BAZ1A: variants seen among roughly 807,000 people sequenced by gnomAD.
BAZ1A encodes the protein bromodomain adjacent to zinc finger domain 1A.
BAZ1A carries 50 observed loss-of-function variants against 185.2 expected under a neutral mutation model. The ratio of observed to expected loss-of-function variants is 0.27; its 90% CI spans 0.22 to 0.34. The LOEUF (loss-of-function observed/expected upper bound fraction) is 0.34. Ranked by LOEUF, BAZ1A falls within the 10% of genes least tolerant of loss-of-function variation. BAZ1A has a pLI of 1.00. For missense variants in BAZ1A, 1,356 were observed against 1,839.9 expected, an observed-to-expected ratio of 0.74 and a Z score of 4.81; for synonymous variants, 571 against 615.6, an observed-to-expected ratio of 0.93 and a Z score of 1.07.
intron 24 of BAZ1A, among the ~76,000 whole-genome samples, chr14:34,760,113 T>G (rs532817950): frequency 1.3e-5 from 2 of 152,226 alleles, no homozygotes; most frequent in Non-Finnish European, 2.9e-5. Context: ...TGTATTCAGA[T>G]GTATAAATTC....
intron 1 of BAZ1A, 61 bp downstream of exon 1, chr14:34,875,077 T>C (rs2043025858): frequency 2.8e-6 from 1 of 357,460 alleles, no homozygotes; most frequent in South Asian, 2.0e-5. Context: ...GCTGCTCCGC[T>C]TTGTTCCCGG....
At chr14:34,766,071 C>T (rs1291439567) in intron 21 of BAZ1A, among the ~76,000 whole-genome samples, 1 of 152,124 alleles carries the variant, frequency 6.6e-6, no homozygotes. Flanking sequence ...GCTTTGGAGA[C>T]AGTCTGCTCT....
chr14:34,857,405 C>T (rs1326097779), intron 3 of BAZ1A, among the ~76,000 whole-genome samples: 2 of 152,146 alleles, frequency 1.3e-5, no homozygotes, highest in Non-Finnish European at 2.9e-5. Flanking sequence ...CTGGGCTCAA[C>T]TGATCCTCCT....
chr14:34,825,991 A>G, intron 4 of BAZ1A, 22 bp downstream of exon 4: 1 of 1,507,394 alleles, frequency 6.6e-7, no homozygotes, highest in Non-Finnish European at 8.9e-7. Flanking sequence ...AAATAATTTA[A>G]AAATTAATAA....
intron 5 of BAZ1A, among the ~76,000 whole-genome samples, chr14:34,810,409 AT>A (rs1335512664): frequency 1.3e-5 from 2 of 152,196 alleles, no homozygotes; most frequent in African/African-American, 2.4e-5. Flanking sequence ...AAAGATACTC[AT>A]TTTTTATGAT....
rs748432973 is a variant in BAZ1A, at chr14:34,783,155, T to A, written c.2075A>T (p.Asp692Val). 2.5e-6 allele frequency: 4 copies of A among 1,608,276 alleles called. No individual in the cohort carries two copies. In the East Asian group the frequency reaches 8.9e-5, roughly 36 times the overall value. ...MKEKQEKLKEDEQRNSTADIS... is the reference protein window; with the variant it reads ...MKEKQEKLKEVEQRNSTADIS... ...ATCTGCCGTTGAATTTCTTTGCTCA[T>A]CTTCTTTCAGTTTTTCTTGTTTCTC... is the stretch of plus-strand genomic sequence containing the variant. Residue 692 changes from aspartate (D) to valine (V), a missense_variant, in exon 16 of 27, where the codon GAT (aspartate) becomes GTT (valine). Transcript: ENST00000360310.
chr14:34,834,600 C>A (rs1566587459), intron 3 of BAZ1A, among the ~76,000 whole-genome samples: 1 of 152,192 alleles, frequency 6.6e-6, no homozygotes, highest in Non-Finnish European at 1.5e-5. Flanking sequence ...GTCAATGCTA[C>A]TATTGACTTT....
chr14:34,805,723 G>A (rs960596872), intron 6 of BAZ1A, among the ~76,000 whole-genome samples: 16 of 152,076 alleles, frequency 1.1e-4, no homozygotes, highest in Non-Finnish European at 1.9e-4. Context: ...GCTATCTTAC[G>A]TTTTCAAGTT....
intron 3 of BAZ1A, among the ~76,000 whole-genome samples, chr14:34,840,012 C>T (rs2042390421): frequency 6.6e-6 from 1 of 152,014 alleles, no homozygotes; most frequent in African/African-American, 2.4e-5. Context: ...GAAAGTAACA[C>T]ATTTAGCAAA....
chr14:34,760,209 A>G (rs1309255756), intron 24 of BAZ1A, among the ~76,000 whole-genome samples: 1 of 152,188 alleles, frequency 6.6e-6, no homozygotes, highest in Non-Finnish European at 1.5e-5. Flanking sequence ...ATGAAAACAA[A>G]AAGTTTTTCT....
rs563247137 is a variant in BAZ1A, at chr14:34,847,185, A to C, written c.392+14859T>G. 1.6e-4 allele frequency among the ~76,000 whole-genome samples: 24 copies of C among 151,588 alleles called. No individual in the cohort carries two copies. The East Asian group carries it at 4.6e-3, about 29-fold the overall frequency. ...AGAATGGCTTGAACCCAGGAGGTAGAGGTTTGCAGTGAGCCGATATCCAGA... is the reference window on the plus strand; with the variant it reads ...AGAATGGCTTGAACCCAGGAGGTAGCGGTTTGCAGTGAGCCGATATCCAGA... On this transcript the variant is annotated intron_variant, in intron 3 of 26. Transcript: ENST00000360310.
chr14:34,858,175 A>G (rs1456134650), intron 3 of BAZ1A, among the ~76,000 whole-genome samples: 1 of 152,226 alleles, frequency 6.6e-6, no homozygotes, highest in Non-Finnish European at 1.5e-5. Context: ...GAAGAGAAAT[A>G]TAAAATGTTG....
rs757431964 is a variant in BAZ1A, at chr14:34,776,519, T to C, written c.2237-4A>G. ...AATCCATTTTGTCCTCTTTTCCCTG[T>C]AATTAAAATAAAATGTTTCATCATC... On this transcript the variant is annotated splice_region_variant and splice_polypyrimidine_tract_variant and intron_variant, in intron 17 of 26. Transcript: ENST00000360310. 6.4e-6 allele frequency: 10 copies of C among 1,558,154 alleles called. No individual in the cohort carries two copies. Among genetic ancestry groups the C allele is most frequent in the Non-Finnish European group, 8.6e-6 (10 of 1,157,408 alleles).
intron 2 of BAZ1A, among the ~76,000 whole-genome samples, chr14:34,867,895 A>C (rs755241432): frequency 1.1e-4 from 16 of 152,198 alleles, no homozygotes; most frequent in Non-Finnish European, 8.8e-5. Flanking sequence ...TTAATACTGA[A>C]TTCTAGGGGG....
intron 9 of BAZ1A, among the ~76,000 whole-genome samples, chr14:34,796,571 A>G (rs564595199): frequency 7.2e-5 from 11 of 152,328 alleles, no homozygotes; most frequent in South Asian, 2.1e-4. Flanking sequence ...AATTCAGGCT[A>G]TTTCTCTTAC....
rs1202939986 is a variant in BAZ1A, at chr14:34,875,239, G to A, written c.-160C>T. The A allele has an allele frequency of 2.2e-6, 1 of 453,544 alleles. No homozygotes were observed. Among genetic ancestry groups the A allele is most frequent in the East Asian group, 7.0e-5 (1 of 14,338 alleles). The allele number at this position is 453,544 out of a possible 1,614,324, so 28.1% of individuals were successfully genotyped here. A position where few individuals can be genotyped will look rare whatever the true frequency, so the allele number is the denominator to read the frequency against. On this transcript the variant is annotated 5_prime_UTR_variant, in exon 1 of 27. Transcript: ENST00000360310. ...GACCGCCTCTCTCCGGCCCCGCCGC[G>A]CCCCTGGCTGCCGCTTCTCCCGCTG...
At chr14:34,781,194 C>T (rs1421849538) in intron 16 of BAZ1A, among the ~76,000 whole-genome samples, 2 of 151,968 alleles carry the variant, frequency 1.3e-5, no homozygotes, top group Non-Finnish European at 2.9e-5. Flanking sequence ...ATGAGTGGGG[C>T]TGAATAAATA....
At chr14:34,789,770 A>G (rs1880720813) in intron 12 of BAZ1A, among the ~76,000 whole-genome samples, 1 of 152,230 alleles carries the variant, frequency 6.6e-6, no homozygotes, top group Admixed American at 6.5e-5. Flanking sequence ...CAAAGAAATT[A>G]GATCTTCTCA....
intron 3 of BAZ1A, among the ~76,000 whole-genome samples, chr14:34,834,731 TCTAGAGA>T (rs2042301510): frequency 6.6e-6 from 1 of 152,150 alleles, no homozygotes; most frequent in South Asian, 2.1e-4. Context: ...CTAATAGATT[TCTAGAGA>T]CTTAGTCTAT....
Sources: gnomAD v4.1 joint callset for allele counts (sites outside exome capture counted in the v4.1 genomes callset) on GRCh38, gnomAD v4.1.1 for gene constraint, MANE v1.5 for transcripts, NCBI Gene and HGNC (gene_info 2026-07-23, HGNC 2026-07-21) for gene names.